Variants in TANC1 observed in about 807,000 individuals in gnomAD.
The protein encoded by TANC1 is tetratricopeptide repeat, ankyrin repeat and coiled-coil containing 1.
In TANC1, 77 loss-of-function variants were observed where a neutral mutation model predicts 149.7. The ratio of observed to expected loss-of-function variants is 0.51; its 90% CI spans 0.43 to 0.62. TANC1 has a LOEUF of 0.62. Among genes scored for constraint, TANC1 ranks in the 20% least tolerant of loss-of-function variants. The probability of loss-of-function intolerance (pLI) is 0.00; values close to 1 mark genes in which losing one functional copy is unlikely to be tolerated. For synonymous variants in TANC1, 854 were observed against 925.0 expected (o/e 0.92, Z 1.39); for missense variants, 1,985 against 2,321.8 (o/e 0.85, Z 2.98).
At chr2:159,215,239 G>A (rs1218624029) in intron 19 of TANC1, among the ~76,000 whole-genome samples, 2 of 152,178 alleles carry the variant, frequency 1.3e-5, no homozygotes, top group African/African-American at 2.4e-5. Flanking sequence ...CAGATAGAAC[G>A]CAGAGCTCAG....
chr2:159,176,548 A>C (rs369780800), intron 13 of TANC1, 30 bp downstream of exon 13: 3 of 1,540,738 alleles, frequency 1.9e-6, no homozygotes, highest in Non-Finnish European at 2.6e-6. Context: ...TCTTTCTCCA[A>C]GTCCCCATTC....
At chr2:158,993,584 G>A (rs1307370024) in intron 1 of TANC1, among the ~76,000 whole-genome samples, 2 of 152,082 alleles carry the variant, frequency 1.3e-5, no homozygotes, top group African/African-American at 2.4e-5. Context: ...CTGTTCTTAA[G>A]AAATAAAACA....
intron 3 of TANC1, among the ~76,000 whole-genome samples, chr2:159,092,569 G>A (rs926102721): frequency 6.6e-6 from 1 of 152,094 alleles, no homozygotes; most frequent in African/African-American, 2.4e-5. Flanking sequence ...TGATAATTTT[G>A]TTATCTTTGC....
chr2:159,177,204 C>A (rs1443213919), intron 13 of TANC1, among the ~76,000 whole-genome samples: 3 of 152,148 alleles, frequency 2.0e-5, no homozygotes, highest in Non-Finnish European at 4.4e-5. Context: ...GCCACTGTGC[C>A]TGGCTGAAGG....
At chr2:159,145,772 T>G (rs2052004163) in intron 5 of TANC1, among the ~76,000 whole-genome samples, 1 of 152,202 alleles carries the variant, frequency 6.6e-6, no homozygotes, top group African/African-American at 2.4e-5. Flanking sequence ...GAGGGTTCCA[T>G]GAATGTGCTG....
chr2:159,227,729 G>T (rs1040487546), intron 24 of TANC1, 90 bp from the exon 25 acceptor site: 62 of 1,402,136 alleles, frequency 4.4e-5, no homozygotes, highest in African/African-American at 4.2e-4. Context: ...TTGCAGGGGG[G>T]AGTAAACTCC....
intron 3 of TANC1, among the ~76,000 whole-genome samples, chr2:159,067,707 AC>A (rs1254181669): frequency 1.3e-5 from 2 of 152,192 alleles, no homozygotes; most frequent in African/African-American, 4.8e-5. Context: ...TTGGGGTGGA[AC>A]TGCCAACCAG....
chr2:159,161,176 T>C (rs2054011599), intron 7 of TANC1, among the ~76,000 whole-genome samples: 1 of 152,238 alleles, frequency 6.6e-6, no homozygotes, highest in African/African-American at 2.4e-5. Context: ...TTTCCCCTGC[T>C]TGAGGTCCTA....
chr2:159,112,492 G>T (rs1286114357), intron 4 of TANC1, among the ~76,000 whole-genome samples: 1 of 151,434 alleles, frequency 6.6e-6, no homozygotes, highest in African/African-American at 2.4e-5. Context: ...CTGACCTCAG[G>T]TGATCTGCAC....
chr2:159,003,097 T>C (rs16843542), intron 2 of TANC1, among the ~76,000 whole-genome samples: 9,874 of 152,272 alleles, frequency 0.065, 485 homozygotes, highest in East Asian at 0.16. Context: ...TTCCTGGCTG[T>C]GATAGGTTTT....
At position 159,077,744 on chromosome 2, in the gene TANC1, A is replaced by AT. The variant is rs529784270; in HGVS notation, c.61+11781dup. 7.0e-3 allele frequency among the ~76,000 whole-genome samples: 1,069 copies of AT among 152,012 alleles called. 8 individuals carry two copies. The highest frequency in any genetic ancestry group is 0.024 in the African/African-American group (990 of 41,478). On this transcript the variant is annotated intron_variant, in intron 3 of 26. Coordinates refer to ENST00000263635, the MANE Select transcript of TANC1 (RefSeq NM_033394.3). Reference sequence around the variant, plus strand: ...GTTGATGGACACTTAAGTTATATATATTTTTTTTATTACAAGTCAGTTCTA... The same window carrying AT: ...GTTGATGGACACTTAAGTTATATATATTTTTTTTTATTACAAGTCAGTTCTA...
intron 14 of TANC1, among the ~76,000 whole-genome samples, chr2:159,179,492 A>G (rs4665032): frequency 0.98 from 149,640 of 152,012 alleles, 73,688 homozygotes; most frequent in East Asian, 1. Flanking sequence ...CTTCTGCAGG[A>G]TCATGCATGG....
intron 3 of TANC1, among the ~76,000 whole-genome samples, chr2:159,093,247 G>A (rs1372964269): frequency 6.6e-6 from 1 of 152,208 alleles, no homozygotes; most frequent in East Asian, 1.9e-4. Flanking sequence ...TCAAGGTGGG[G>A]AATAAAATAG....
At chr2:159,086,851 TACTAGCTTAA>T (rs2044922581) in intron 3 of TANC1, among the ~76,000 whole-genome samples, 1 of 152,172 alleles carries the variant, frequency 6.6e-6, no homozygotes, top group Non-Finnish European at 1.5e-5. Context: ...AGATTGTGTA[TACTAGCTTAA>T]ATGTTTTTTC....
rs184613756 is a variant in TANC1 at position 159,210,682 on chromosome 2, T to C, written c.3245-6815T>C. On this transcript the variant is annotated intron_variant, in intron 19 of 26. Transcript: ENST00000263635. Reference sequence around the variant, plus strand: ...CCTGGGTTCAAGTGATTCTCCTGCCTCAGCTTTCCCGAGTAGCTGGGATTA... The same window carrying C: ...CCTGGGTTCAAGTGATTCTCCTGCCCCAGCTTTCCCGAGTAGCTGGGATTA... Among the ~76,000 whole-genome samples the C allele has an allele frequency of 2.9e-3, 446 of 151,832 alleles. 6 individuals carry two copies. The highest frequency in any genetic ancestry group is 0.01 in the African/African-American group (424 of 41,420).
intron 14 of TANC1, among the ~76,000 whole-genome samples, chr2:159,182,259 C>A (rs980188684): frequency 2.0e-5 from 3 of 151,750 alleles, no homozygotes; most frequent in Non-Finnish European, 4.4e-5. Flanking sequence ...AACATATTTA[C>A]ATTTTGCAAT....
At chr2:159,141,332 A>T (rs2051349044) in intron 5 of TANC1, among the ~76,000 whole-genome samples, 1 of 152,242 alleles carries the variant, frequency 6.6e-6, no homozygotes, top group Non-Finnish European at 1.5e-5. Context: ...ACAGAGTAGG[A>T]TGGAGTGGGA....
At chr2:159,011,448 A>G (rs1424144195) in intron 2 of TANC1, among the ~76,000 whole-genome samples, 1 of 152,070 alleles carries the variant, frequency 6.6e-6, no homozygotes, top group African/African-American at 2.4e-5. Context: ...ATGGTAGGTC[A>G]GTTTTCCCTG....
intron 1 of TANC1, among the ~76,000 whole-genome samples, chr2:158,979,027 G>A (rs1167011252): frequency 1.3e-5 from 2 of 152,186 alleles, no homozygotes; most frequent in South Asian, 2.1e-4. Context: ...GAGTTTTTAA[G>A]TGTTGGGGTT....
Sources: allele counts gnomAD v4.1 joint callset (sites outside exome capture counted in the v4.1 genomes callset), GRCh38; gene constraint gnomAD v4.1.1; transcripts MANE v1.5; gene names NCBI Gene and HGNC (gene_info 2026-07-23, HGNC 2026-07-21).